The following SLC44A1 variants were observed in gnomAD, a reference collection of about 807,000 sequenced individuals.
SLC44A1 encodes choline transporter-like protein 1.
Under a neutral mutation model 79.3 loss-of-function variants are expected in SLC44A1, and 26 were observed. The observed-to-expected ratio is 0.33, with a 90% confidence interval of 0.24 to 0.46. The LOEUF is 0.46. SLC44A1 is among the 20% of genes least tolerant of loss of function. The pLI is 1.00. For synonymous variants in SLC44A1, 263 were observed against 286.2 expected (o/e 0.92, Z 0.82); for missense variants, 688 against 798.1 (o/e 0.86, Z 1.66).
At chr9:105,378,715 C>G (rs1304183120) in intron 13 of SLC44A1, among the ~76,000 whole-genome samples, 1 of 151,964 alleles carries the variant, frequency 6.6e-6, no homozygotes, top group Non-Finnish European at 1.5e-5. Flanking sequence ...TATAAATGTT[C>G]TTTAGTTTTT....
intron 1 of SLC44A1, among the ~76,000 whole-genome samples, chr9:105,270,389 T>C (rs1830050927): frequency 6.6e-6 from 1 of 152,156 alleles, no homozygotes; most frequent in Admixed American, 6.5e-5. Flanking sequence ...CTCAATAGCC[T>C]GAGTGATCAA....
At chr9:105,286,207 A>G (rs937734776) in intron 1 of SLC44A1, among the ~76,000 whole-genome samples, 5 of 152,130 alleles carry the variant, frequency 3.3e-5, no homozygotes, top group African/African-American at 4.8e-5. Context: ...TTTTTTCCAC[A>G]TAGTTCATTC....
chr9:105,313,757 C>CATT (rs891979381), intron 3 of SLC44A1, among the ~76,000 whole-genome samples: 10 of 151,352 alleles, frequency 6.6e-5, no homozygotes, highest in African/African-American at 1.5e-4. Context: ...AAATTATTAT[C>CATT]ATTATTATTA....
At chr9:105,274,652 C>T (rs2131237836) in intron 1 of SLC44A1, among the ~76,000 whole-genome samples, 1 of 152,238 alleles carries the variant, frequency 6.6e-6, no homozygotes, top group Middle Eastern at 3.4e-3. Flanking sequence ...AGTTCTTCTG[C>T]CCAGAATTTA....
chr9:105,256,800 T>TTAG (rs1829719502), intron 1 of SLC44A1, among the ~76,000 whole-genome samples: 1 of 150,908 alleles, frequency 6.6e-6, no homozygotes, highest in Non-Finnish European at 1.5e-5. Context: ...TATTTTATTA[T>TTAG]TTTTTGAGAT....
intron 2 of SLC44A1, among the ~76,000 whole-genome samples, chr9:105,306,685 C>G (rs186803560): frequency 1.3e-5 from 2 of 151,466 alleles, no homozygotes; most frequent in South Asian, 4.2e-4. Flanking sequence ...AATTTATACC[C>G]CTGCCTACAT....
At chr9:105,307,982 C>T (rs1006538357) in intron 2 of SLC44A1, among the ~76,000 whole-genome samples, 5 of 152,248 alleles carry the variant, frequency 3.3e-5, no homozygotes, top group African/African-American at 7.2e-5. Context: ...GCAGTTTGTG[C>T]TGCTTGGAGG....
chr9:105,324,440 A>G (rs1826507487), intron 3 of SLC44A1, among the ~76,000 whole-genome samples: 1 of 150,462 alleles, frequency 6.6e-6, no homozygotes, highest in Non-Finnish European at 1.5e-5. Context: ...TTTTGTAGAG[A>G]TGGGGTTTCA....
At chr9:105,362,699 T>C (rs1426399422) in intron 8 of SLC44A1, 122 bp from the exon 9 acceptor site, 3 of 605,488 alleles carry the variant, frequency 5.0e-6, no homozygotes, top group South Asian at 2.7e-5. Context: ...TAAAGTATTA[T>C]TGAAATTCAA....
downstream of SLC44A1, among the ~76,000 whole-genome samples, chr9:105,397,681 A>T (rs545269258): frequency 1.7e-3 from 252 of 152,158 alleles, 2 homozygotes; most frequent in African/African-American, 5.9e-3. Context: ...GTGGTGGCTC[A>T]CGCCTGTAAT....
intron 2 of SLC44A1, among the ~76,000 whole-genome samples, chr9:105,300,647 A>G (rs1263362405): frequency 6.6e-6 from 1 of 152,250 alleles, no homozygotes. Context: ...TAGGATATTT[A>G]GGAAAGGTCA....
chr9:105,274,896 T>C (rs1348563479), intron 1 of SLC44A1, among the ~76,000 whole-genome samples: 1 of 152,230 alleles, frequency 6.6e-6, no homozygotes, highest in Non-Finnish European at 1.5e-5. Context: ...TCTCATCCAT[T>C]CCAATCTGTG....
At chr9:105,436,120 C>T (rs1829460849) in intron 15 of SLC44A1, among the ~76,000 whole-genome samples, 1 of 152,228 alleles carries the variant, frequency 6.6e-6, no homozygotes, top group Non-Finnish European at 1.5e-5. Context: ...ATCGCTGGAA[C>T]CCAGGCGGCA....
chr9:105,360,769 A>C (rs1051227762), intron 7 of SLC44A1, among the ~76,000 whole-genome samples: 2 of 152,192 alleles, frequency 1.3e-5, no homozygotes, highest in African/African-American at 4.8e-5. Flanking sequence ...ATCTGTGATG[A>C]GTACAACAGA....
chr9:105,375,668 C>G (rs1386974971), intron 13 of SLC44A1, among the ~76,000 whole-genome samples: 1 of 152,102 alleles, frequency 6.6e-6, no homozygotes, highest in Non-Finnish European at 1.5e-5. Context: ...TAAGCCCCTT[C>G]AAAATAGAGC....
chr9:105,339,509 T>G (rs1827022426), intron 4 of SLC44A1, among the ~76,000 whole-genome samples: 1 of 152,154 alleles, frequency 6.6e-6, no homozygotes, highest in Non-Finnish European at 1.5e-5. Flanking sequence ...CAACCTAATG[T>G]CGGTAGACCA....
At chr9:105,284,889 T>C (rs1830439247) in intron 1 of SLC44A1, among the ~76,000 whole-genome samples, 1 of 152,194 alleles carries the variant, frequency 6.6e-6, no homozygotes, top group African/African-American at 2.4e-5. Context: ...AGAACATTTT[T>C]ATCACCTCAA....
At chr9:105,306,045 T>C (rs1831022952) in intron 2 of SLC44A1, among the ~76,000 whole-genome samples, 1 of 152,190 alleles carries the variant, frequency 6.6e-6, no homozygotes, top group Non-Finnish European at 1.5e-5. Context: ...TGCCTTCATC[T>C]GATTTAAGTC....
intron 9 of SLC44A1, among the ~76,000 whole-genome samples, chr9:105,363,298 G>A (rs145250922): frequency 0.047 from 7,186 of 151,554 alleles, 226 homozygotes; most frequent in South Asian, 0.11. Flanking sequence ...GAGTAGCTGG[G>A]ACTACAGGCA....
Sources: allele counts gnomAD v4.1 joint callset (sites outside exome capture counted in the v4.1 genomes callset), GRCh38; gene constraint gnomAD v4.1.1; transcripts MANE v1.5; gene names NCBI Gene and HGNC (gene_info 2026-07-23, HGNC 2026-07-21).